HIPK1: variants seen among roughly 807,000 people sequenced by gnomAD.
HIPK1 encodes homeodomain interacting protein kinase 1.
Under a neutral mutation model 117.1 loss-of-function variants are expected in HIPK1, and 28 were observed. That is an observed-to-expected ratio of 0.24 (90% CI 0.18 to 0.33). HIPK1 has a LOEUF of 0.33. Ranked by LOEUF, HIPK1 falls within the 10% of genes least tolerant of loss-of-function variation. The probability of loss-of-function intolerance (pLI) is 1.00; values close to 1 mark genes in which losing one functional copy is unlikely to be tolerated. For missense variants in HIPK1, 1,122 were observed against 1,475.1 expected, an observed-to-expected ratio of 0.76 and a Z score of 3.92; for synonymous variants, 605 against 562.5, an observed-to-expected ratio of 1.08 and a Z score of -1.07.
chr1:113,967,329 T>C (rs978439595), intron 11 of HIPK1, among the ~76,000 whole-genome samples: 1 of 152,236 alleles, frequency 6.6e-6, no homozygotes, highest in Non-Finnish European at 1.5e-5. Context: ...TGTACTAACT[T>C]ACATTCCTAC....
At position 113,973,618 on chromosome 1, in the gene HIPK1, C is replaced by A; in HGVS notation, c.*106C>A. The A allele has an allele frequency of 7.4e-7, 1 of 1,359,998 alleles. No homozygotes were observed. Among genetic ancestry groups the A allele is most frequent in the Non-Finnish European group, 9.8e-7 (1 of 1,016,880 alleles). The allele number at this position is 1,359,998 out of a possible 1,614,324, so 84.2% of individuals were successfully genotyped here. On this transcript the variant is annotated 3_prime_UTR_variant, in exon 16 of 16. Coordinates refer to ENST00000426820, the MANE Select transcript of HIPK1 (RefSeq NM_198268.3). ...CCTTTACCCTCTTGAAATTTCTTAG[C>A]CAGCAACTTGTTCTGCAGGGGCCCA...
At chr1:113,944,226 C>G (rs1670842900) in intron 2 of HIPK1, among the ~76,000 whole-genome samples, 1 of 114,350 alleles carries the variant, frequency 8.7e-6, no homozygotes, top group African/African-American at 3.4e-5. Context: ...GGCTGGAGTG[C>G]AGTGGTGCGA....
intron 2 of HIPK1, among the ~76,000 whole-genome samples, chr1:113,949,542 T>C (rs766374946): frequency 1.3e-5 from 2 of 152,134 alleles, no homozygotes; most frequent in Non-Finnish European, 2.9e-5. Context: ...ATCAGTAATA[T>C]GTGCCTCTAG....
intron 11 of HIPK1, among the ~76,000 whole-genome samples, chr1:113,966,715 C>G (rs1320744809): frequency 2.0e-5 from 3 of 152,146 alleles, no homozygotes; most frequent in Non-Finnish European, 4.4e-5. Context: ...TCCATCCCCT[C>G]AAGCATTTAT....
chr1:113,962,995 A>G (rs1415130504), intron 9 of HIPK1, among the ~76,000 whole-genome samples: 3 of 152,234 alleles, frequency 2.0e-5, no homozygotes, highest in African/African-American at 7.2e-5. Context: ...AGAAAATTGT[A>G]AAGTATTTAA....
chr1:113,968,565 A>G lies in HIPK1; in HGVS notation c.2688A>G (p.Pro896=), dbSNP rs1672612256. 1.2e-6 allele frequency: 2 copies of G among 1,613,958 alleles called. No individual in the cohort carries two copies. Among genetic ancestry groups the G allele is most frequent in the South Asian group, 1.1e-5 (1 of 91,082 alleles). Residue 896 remains proline (P), a synonymous_variant, in exon 13 of 16, where the codon CCA becomes CCG. Coordinates refer to ENST00000426820, the MANE Select transcript of HIPK1 (RefSeq NM_198268.3). ...VQDQHQPIII[P]DTPSPPVSVI... ...ATCAGCATCAGCCCATCATCATTCCAGATACTCCCAGCCCTCCTGTGAGTG... is the reference window on the plus strand; with the variant it reads ...ATCAGCATCAGCCCATCATCATTCCGGATACTCCCAGCCCTCCTGTGAGTG...
intron 1 of HIPK1, among the ~76,000 whole-genome samples, chr1:113,933,792 T>G (rs1181776109): frequency 6.6e-6 from 1 of 152,070 alleles, no homozygotes; most frequent in Non-Finnish European, 1.5e-5. Flanking sequence ...GATTGAGCCC[T>G]GGAGGTCCAG....
intron 1 of HIPK1, among the ~76,000 whole-genome samples, chr1:113,937,419 C>G (rs911043442): frequency 6.6e-6 from 1 of 151,600 alleles, no homozygotes; most frequent in South Asian, 2.1e-4. Flanking sequence ...GTAGAGACTT[C>G]CCCCATGACT....
rs1672589305 is a variant in HIPK1, at chr1:113,968,311, A to G, written c.2565-131A>G. 1.3e-5 allele frequency: 9 copies of G among 709,762 alleles called. No homozygotes were observed. The South Asian group carries it at 1.6e-4, about 12-fold the overall frequency. The allele number at this position is 709,762 out of a possible 1,614,324, so 44.0% of individuals were successfully genotyped here. On this transcript the variant is annotated intron_variant, in intron 12 of 15. Coordinates refer to ENST00000426820, the MANE Select transcript of HIPK1 (RefSeq NM_198268.3). ...TGCTTATTTTCACTGGAACTTATAT[A>G]GTTAAATGTATTTGCTTAATGATTA... is the stretch of plus-strand genomic sequence containing the variant.
At position 113,959,542 on chromosome 1, in the gene HIPK1, T is replaced by G. The variant is rs189826939; in HGVS notation, c.1981+1251T>G. 6.4e-4 allele frequency among the ~76,000 whole-genome samples: 97 copies of G among 152,348 alleles called. No individual in the cohort carries two copies. In the South Asian group the frequency reaches 8.1e-3, roughly 13 times the overall value. ...TTTTCACCACTTTTTCCGAAGAGTT[T>G]CATTGGAACAGTTTTCAGATGTGGG... On this transcript the variant is annotated intron_variant, in intron 8 of 15. Coordinates refer to ENST00000426820, the MANE Select transcript of HIPK1 (RefSeq NM_198268.3).
chr1:113,972,890 A>G (rs181767169), intron 15 of HIPK1, 134 bp from the exon 16 acceptor site: 30 of 885,892 alleles, frequency 3.4e-5, no homozygotes, highest in Middle Eastern at 5.6e-4. Flanking sequence ...ACAGCATTCA[A>G]TGCCAGTGTG....
rs562493695 is a variant in HIPK1, at chr1:113,949,555, AC to A, written c.1077-3209del. Among the ~76,000 whole-genome samples, 39 of 151,410 alleles carry A rather than the reference AC, an allele frequency of 2.6e-4. No homozygotes were observed. In the Middle Eastern group the frequency reaches 0.01, roughly 41 times the overall value. On this transcript the variant is annotated intron_variant, in intron 2 of 15. Transcript: ENST00000426820. The stretch of plus-strand genomic sequence containing the variant: ...CCATCAGTAATATGTGCCTCTAGCC[AC>A]CTGCAACAGGAATATCACTTTTGAG...
chr1:113,933,339 A>G (rs1558122204), intron 1 of HIPK1: 4 of 235,238 alleles, frequency 1.7e-5, no homozygotes, highest in African/African-American at 2.3e-5. Flanking sequence ...TATTGTGGGA[A>G]CCCAGAGAGA....
chr1:113,971,994 A>G (rs756975686), intron 15 of HIPK1, 40 bp downstream of exon 15: 6 of 1,612,876 alleles, frequency 3.7e-6, no homozygotes, highest in Non-Finnish European at 5.1e-6. Context: ...TGGGCCCTGC[A>G]CTGTTGTTAC....
At chr1:113,931,165 T>C (rs1287471038) in intron 1 of HIPK1, among the ~76,000 whole-genome samples, 1 of 138,960 alleles carries the variant, frequency 7.2e-6, no homozygotes, top group African/African-American at 2.8e-5. Flanking sequence ...CTCTGGTCTG[T>C]GGGTTTTTTT....
chr1:113,939,352 G>GTTGT (rs1260424946), intron 1 of HIPK1, among the ~76,000 whole-genome samples: 2 of 148,110 alleles, frequency 1.4e-5, no homozygotes, highest in Non-Finnish European at 3.0e-5. Context: ...TGTTGTTGTT[G>GTTGT]TTGTTTGTTT....
chr1:113,972,083 C>A, intron 15 of HIPK1, 129 bp downstream of exon 15: 1 of 1,609,002 alleles, frequency 6.2e-7, no homozygotes, highest in Non-Finnish European at 8.5e-7. Context: ...ATTTTGTGTT[C>A]TATGGCTTAC....
intron 2 of HIPK1, among the ~76,000 whole-genome samples, chr1:113,946,436 G>A (rs112876028): frequency 0.011 from 1,605 of 152,284 alleles, 31 homozygotes; most frequent in African/African-American, 0.037. Flanking sequence ...AAAAGGGAGA[G>A]CAATAGGAGA....
At chr1:113,957,030 G>T in intron 6 of HIPK1, 94 bp from the exon 7 acceptor site, 1 of 1,076,728 alleles carries the variant, frequency 9.3e-7, no homozygotes, top group Admixed American at 2.3e-5. Context: ...GAAAGTGATT[G>T]GGAAAAAAAG....
Sources: allele counts gnomAD v4.1 joint callset (sites outside exome capture counted in the v4.1 genomes callset), GRCh38; gene constraint gnomAD v4.1.1; transcripts MANE v1.5; gene names NCBI Gene and HGNC (gene_info 2026-07-23, HGNC 2026-07-21).